Variants in BCKDHB observed in about 807,000 individuals in gnomAD.
BCKDHB encodes the protein 2-oxoisovalerate dehydrogenase subunit beta, mitochondrial.
In BCKDHB, 41 loss-of-function variants were observed where a neutral mutation model predicts 48.5. That is an observed-to-expected ratio of 0.85 (90% CI 0.66 to 1.10). BCKDHB has a LOEUF of 1.10. BCKDHB is among the 50% of genes least tolerant of loss of function. BCKDHB has a pLI of 0.00. For synonymous variants in BCKDHB, 201 were observed against 174.8 expected (o/e 1.15, Z -1.18); for missense variants, 496 against 494.2 (o/e 1.00, Z -0.03).
chr6:80,346,957 G>T (rs1187992858), downstream of BCKDHB, among the ~76,000 whole-genome samples: 1 of 151,594 alleles, frequency 6.6e-6, no homozygotes, highest in African/African-American at 2.4e-5. Context: ...AAGAATGAGG[G>T]TTGTCATGTT....
At chr6:80,229,637 A>G (rs2127882508) in intron 8 of BCKDHB, among the ~76,000 whole-genome samples, 1 of 152,302 alleles carries the variant, frequency 6.6e-6, no homozygotes, top group East Asian at 1.9e-4. Flanking sequence ...AAAAAGTAAA[A>G]TTATTTGTAT....
intron 9 of BCKDHB, among the ~76,000 whole-genome samples, chr6:80,318,702 A>G (rs1342529414): frequency 7.2e-6 from 1 of 139,168 alleles, no homozygotes; most frequent in East Asian, 1.9e-4. Context: ...AAAAAAAAAA[A>G]AAGAAAAGAA....
At chr6:80,173,270 A>C (rs1232479190) in intron 6 of BCKDHB, among the ~76,000 whole-genome samples, 1 of 152,148 alleles carries the variant, frequency 6.6e-6, no homozygotes, top group Non-Finnish European at 1.5e-5. Flanking sequence ...AAAGGTTTCC[A>C]GAAATTTCCC....
In BCKDHB at chr6:80,161,697, C is replaced by G. The variant is rs117828198; in HGVS notation, c.344-5981C>G. Reference sequence around the variant, plus strand: ...ATATTCTGGCTTCTCAGCTTCTTATCCTTTTCTTCTCTGGTGATCTTATCC... The same window carrying G: ...ATATTCTGGCTTCTCAGCTTCTTATGCTTTTCTTCTCTGGTGATCTTATCC... On this transcript the variant is annotated intron_variant, in intron 3 of 9. Coordinates refer to ENST00000320393, the MANE Select transcript of BCKDHB (RefSeq NM_183050.4). 3.6e-3 allele frequency among the ~76,000 whole-genome samples: 554 copies of G among 152,304 alleles called. 5 individuals are homozygous for G. Among genetic ancestry groups the G allele is most frequent in the Middle Eastern group, 0.017 (5 of 294 alleles).
At chr6:80,192,145 T>A (rs1346431057) in intron 6 of BCKDHB, among the ~76,000 whole-genome samples, 2 of 152,194 alleles carry the variant, frequency 1.3e-5, no homozygotes, top group African/African-American at 2.4e-5. Flanking sequence ...TTTCTTTCAA[T>A]AAGAATAAAA....
chr6:80,287,560 C>G (rs115795070), intron 9 of BCKDHB, among the ~76,000 whole-genome samples: 2 of 151,610 alleles, frequency 1.3e-5, no homozygotes, highest in East Asian at 3.9e-4. Flanking sequence ...AAAAATTAGG[C>G]GTGCAGACAC....
chr6:80,232,809 G>A (rs1010105061), intron 8 of BCKDHB, among the ~76,000 whole-genome samples: 1 of 151,084 alleles, frequency 6.6e-6, no homozygotes, highest in Non-Finnish European at 1.5e-5. Flanking sequence ...GTGTGTGTAT[G>A]TGTGTTTGTG....
chr6:80,380,216 G>A, the BCKDHB span, among the ~76,000 whole-genome samples: 7 of 151,978 alleles, frequency 4.6e-5, no homozygotes, highest in East Asian at 3.9e-4. Context: ...TAAAAACTGC[G>A]TGGTACTGGC....
rs532145580 is a variant in BCKDHB, at chr6:80,267,245, AAG to A, written c.952-5881_952-5880del. Among the ~76,000 whole-genome samples, 7 of 152,176 alleles carry A rather than the reference AAG, an allele frequency of 4.6e-5. No individual in the cohort carries two copies. The South Asian group carries it at 8.3e-4, about 18-fold the overall frequency. ...TATGAGGTAAATTGTGTGTCTTCCTAAGAGAGAGAGTTGAAGCAGAGTGTGCT... is the reference window on the plus strand; with the variant it reads ...TATGAGGTAAATTGTGTGTCTTCCTAAGAGAGAGTTGAAGCAGAGTGTGCT... On this transcript the variant is annotated intron_variant, in intron 8 of 9. Coordinates refer to ENST00000320393, the MANE Select transcript of BCKDHB (RefSeq NM_183050.4).
At chr6:80,123,909 C>T (rs981533809) in intron 1 of BCKDHB, among the ~76,000 whole-genome samples, 1 of 152,040 alleles carries the variant, frequency 6.6e-6, no homozygotes, top group African/African-American at 2.4e-5. Flanking sequence ...CTGCTCTGAT[C>T]TTAGTTATTT....
the BCKDHB span, among the ~76,000 whole-genome samples, chr6:80,385,135 G>A: frequency 6.6e-6 from 1 of 152,300 alleles, no homozygotes; most frequent in South Asian, 2.1e-4. Flanking sequence ...CTGGTTGGTT[G>A]CTCCTAAGTT....
the BCKDHB span, among the ~76,000 whole-genome samples, chr6:80,391,972 T>C: frequency 5.3e-5 from 8 of 152,214 alleles, no homozygotes; most frequent in South Asian, 8.3e-4. Context: ...CTTTCTGGAA[T>C]ACAGTTAGCC....
chr6:80,188,685 C>T (rs189525421), intron 6 of BCKDHB, among the ~76,000 whole-genome samples: 8 of 152,180 alleles, frequency 5.3e-5, no homozygotes, highest in Admixed American at 1.3e-4. Context: ...AACTACCAAT[C>T]GCTTACTATG....
chr6:80,383,747 T>A, the BCKDHB span, among the ~76,000 whole-genome samples: 3 of 152,152 alleles, frequency 2.0e-5, no homozygotes, highest in Non-Finnish European at 4.4e-5. Flanking sequence ...TTTCCTACTG[T>A]GTCCCACGTC....
chr6:80,324,332 T>A (rs755256910), intron 9 of BCKDHB, among the ~76,000 whole-genome samples: 9 of 152,146 alleles, frequency 5.9e-5, no homozygotes, highest in Non-Finnish European at 1.2e-4. Flanking sequence ...CTTCAGGTGA[T>A]CTTAATGGGC....
chr6:80,169,671 A>G (rs1176260969), intron 5 of BCKDHB: 2 of 647,330 alleles, frequency 3.1e-6, no homozygotes, highest in Non-Finnish European at 4.6e-6. Context: ...CTGTTTACTG[A>G]ATAAGCTTTT....
chr6:80,164,191 T>A (rs143924923), intron 3 of BCKDHB, among the ~76,000 whole-genome samples: 5 of 152,328 alleles, frequency 3.3e-5, no homozygotes, highest in African/African-American at 1.2e-4. Context: ...AGGGCCCTGC[T>A]TGATCATCTA....
At chr6:80,390,166 A>G in the BCKDHB span, among the ~76,000 whole-genome samples, 1 of 152,222 alleles carries the variant, frequency 6.6e-6, no homozygotes, top group Admixed American at 6.5e-5. Context: ...CAACAGAGGT[A>G]AGGAAGAGTA....
the BCKDHB span, among the ~76,000 whole-genome samples, chr6:80,353,530 C>T: frequency 7.7e-6 from 1 of 129,348 alleles, no homozygotes; most frequent in African/African-American, 3.0e-5. Flanking sequence ...TTCATTCTCA[C>T]TAAAATGTGT....
Sources: gnomAD v4.1 joint callset for allele counts (sites outside exome capture counted in the v4.1 genomes callset) on GRCh38, gnomAD v4.1.1 for gene constraint, MANE v1.5 for transcripts, NCBI Gene and HGNC (gene_info 2026-07-23, HGNC 2026-07-21) for gene names.